The following DOCK8 variants were observed in gnomAD, a reference collection of about 807,000 sequenced individuals.
The protein encoded by DOCK8 is dedicator of cytokinesis protein 8.
In DOCK8, 141 loss-of-function variants were observed where a neutral mutation model predicts 245.6. That is an observed-to-expected ratio of 0.57 (90% CI 0.50 to 0.66). The LOEUF is 0.66. DOCK8 is among the 30% of genes least tolerant of loss of function. The probability of loss-of-function intolerance (pLI) is 0.00; values close to 1 mark genes in which losing one functional copy is unlikely to be tolerated. For synonymous variants in DOCK8, 1,168 were observed against 970.2 expected (o/e 1.20, Z -3.79); for missense variants, 2,965 against 2,603.4 (o/e 1.14, Z -3.02).
upstream of DOCK8, chr9:214,729 C>T (rs368323470): frequency 1.2e-5 from 18 of 1,524,904 alleles, no homozygotes; most frequent in Non-Finnish European, 1.5e-5. Context: ...CGCGCTGGGC[C>T]CACGCCCTCC....
At chr9:368,691 G>A (rs1273016990) in intron 15 of DOCK8, 2 of 151,232 alleles carry the variant, frequency 1.3e-5, no homozygotes, top group Non-Finnish European at 2.9e-5. Context: ...AATGCAGTGT[G>A]CTCCAAGGAA....
intron 14 of DOCK8, among the ~76,000 whole-genome samples, chr9:346,745 C>G (rs1293695618): frequency 7.9e-5 from 12 of 152,126 alleles, no homozygotes; most frequent in Admixed American, 5.9e-4. Flanking sequence ...GCAGTGGAGT[C>G]TTAAGGAGTA....
chr9:355,449 A>G lies in DOCK8; in HGVS notation c.1680-12569A>G, dbSNP rs180698635. Among the ~76,000 whole-genome samples the G allele has an allele frequency of 7.1e-3, 1,077 of 151,436 alleles. 10 individuals are homozygous for G. The highest frequency in any genetic ancestry group is 0.022 in the South Asian group (104 of 4,780). On this transcript the variant is annotated intron_variant, in intron 14 of 47. Transcript: ENST00000432829. ...AGTCTCCTGACCCTGTGATCTACCC[A>G]CCTTGGCCTCCCAAAGTGCTGGGAT...
At chr9:297,128 T>C (rs1422479572) in intron 4 of DOCK8, among the ~76,000 whole-genome samples, 2 of 151,998 alleles carry the variant, frequency 1.3e-5, no homozygotes, top group African/African-American at 4.8e-5. Context: ...AGAAAGAAGA[T>C]GTGAAAGGAA....
intron 6 of DOCK8, among the ~76,000 whole-genome samples, chr9:316,610 C>G (rs1453905086): frequency 6.6e-6 from 1 of 152,164 alleles, no homozygotes; most frequent in Non-Finnish European, 1.5e-5. Flanking sequence ...TTAAGTGAAC[C>G]ATTCTGACTC....
At chr9:413,573 A>G (rs2055853970) in intron 28 of DOCK8, among the ~76,000 whole-genome samples, 1 of 152,218 alleles carries the variant, frequency 6.6e-6, no homozygotes, top group Non-Finnish European at 1.5e-5. Flanking sequence ...AAAAAGACAA[A>G]TAACTCAGTT....
At chr9:363,974 A>C (rs2052855259) in intron 14 of DOCK8, among the ~76,000 whole-genome samples, 1 of 152,116 alleles carries the variant, frequency 6.6e-6, no homozygotes, top group Non-Finnish European at 1.5e-5. Flanking sequence ...ACCTTCACAA[A>C]CTCTGGCTCA....
At chr9:214,596 G>C (rs142872435), upstream of DOCK8, 14 of 1,613,822 alleles carry the variant, frequency 8.7e-6, no homozygotes, top group African/African-American at 8.0e-5. Context: ...TCGCAGCTTC[G>C]GGCAGATGGA....
chr9:404,860 C>T (rs2055339719), intron 26 of DOCK8, 58 bp from the exon 27 acceptor site: 1 of 1,599,428 alleles, frequency 6.3e-7, no homozygotes, highest in Non-Finnish European at 8.6e-7. Context: ...GTCTGCCAAC[C>T]TCAACTCCAC....
At chr9:214,803 G>C, upstream of DOCK8, 3 of 1,585,876 alleles carry the variant, frequency 1.9e-6, no homozygotes, top group African/African-American at 1.4e-5. Context: ...TCCGAGCTCG[G>C]ACCCTCCCCC....
chr9:306,667 A>C (rs2049845370), intron 5 of DOCK8, among the ~76,000 whole-genome samples: 1 of 152,174 alleles, frequency 6.6e-6, no homozygotes. Flanking sequence ...GTTTGTTCAA[A>C]TATAGGTTGC....
intron 46 of DOCK8, among the ~76,000 whole-genome samples, chr9:458,647 A>C (rs1158222998): frequency 6.6e-6 from 1 of 151,962 alleles, no homozygotes; most frequent in Non-Finnish European, 1.5e-5. Context: ...TCGTCTTTAC[A>C]AAAAATACAA....
intron 1 of DOCK8, among the ~76,000 whole-genome samples, chr9:229,762 G>A (rs1007689767): frequency 3.9e-5 from 6 of 152,004 alleles, no homozygotes; most frequent in African/African-American, 1.5e-4. Context: ...GGTGCTGTGG[G>A]CAGTCTTAGA....
At chr9:285,095 T>TAA (rs531054315) in intron 2 of DOCK8, among the ~76,000 whole-genome samples, 3 of 149,680 alleles carry the variant, frequency 2.0e-5, no homozygotes, top group African/African-American at 4.9e-5. Context: ...ACCTAAAAGT[T>TAA]AAAAAAAAAA....
Position 404,966 on chromosome 9 carries a change from G to C in DOCK8, c.3283G>C (p.Glu1095Gln). ...TCCAACGCTCATTTCCATGAGGCTA[G>C]AGTTCCTGAGAATCCTCTGTAGCCA... is the stretch of plus-strand genomic sequence containing the variant. ...NLPTLISMRL[E>Q]FLRILCSHEH... Residue 1095 changes from glutamate (E) to glutamine (Q), a missense_variant, in exon 27 of 48, where the codon GAG becomes CAG. Glu to Gln is a conservative substitution (Grantham distance 29, BLOSUM62 2). This residue lies in a region of DOCK8 where 2,825 missense variants were observed against 2,453.5 expected (regional missense o/e 1.15). Coordinates refer to ENST00000432829, the MANE Select transcript of DOCK8 (RefSeq NM_203447.4). 6.2e-7 allele frequency: 1 copy of C among 1,613,946 alleles called. No individual in the cohort carries two copies. The highest frequency in any genetic ancestry group is 8.5e-7 in the Non-Finnish European group (1 of 1,180,002).
chr9:421,159 T>A, intron 32 of DOCK8, 81 bp downstream of exon 32: 1 of 1,553,678 alleles, frequency 6.4e-7, no homozygotes, highest in Non-Finnish European at 8.9e-7. Context: ...CCAACATGAT[T>A]AGACACCATT....
chr9:264,366 C>T (rs140938337), intron 1 of DOCK8, among the ~76,000 whole-genome samples: 3 of 152,350 alleles, frequency 2.0e-5, no homozygotes, highest in South Asian at 2.1e-4. Context: ...GGATTTGGGA[C>T]ACCCCTGTGA....
intron 2 of DOCK8, among the ~76,000 whole-genome samples, chr9:282,360 A>G (rs1425308073): frequency 7.1e-6 from 1 of 140,488 alleles, no homozygotes; most frequent in Non-Finnish European, 1.6e-5. Flanking sequence ...GTTTTTCATC[A>G]TTTGTGGCTT....
At chr9:388,728 T>G (rs1355202445) in intron 23 of DOCK8, among the ~76,000 whole-genome samples, 12 of 152,092 alleles carry the variant, frequency 7.9e-5, no homozygotes, top group Non-Finnish European at 1.8e-4. Flanking sequence ...CTAATTTTTG[T>G]ATTTTTAGTA....
Sources: allele counts gnomAD v4.1 joint callset (sites outside exome capture counted in the v4.1 genomes callset), GRCh38; gene constraint gnomAD v4.1.1; regional missense constraint gnomAD v4.1.1; transcripts MANE v1.5; gene names NCBI Gene and HGNC (gene_info 2026-07-23, HGNC 2026-07-21).